The following ZNF778 variants were observed in gnomAD, a reference collection of about 807,000 sequenced individuals.
ZNF778 encodes zinc finger protein 778.
A neutral mutation model predicts 23.9 loss-of-function variants in ZNF778; 37 were observed. The ratio of observed to expected loss-of-function variants is 1.54; its 90% confidence interval spans 1.19 to 2.03. The LOEUF (loss-of-function observed/expected upper bound fraction) is 2.03, where lower values mean the gene tolerates loss of function less well. Among genes scored for constraint, ZNF778 ranks in the 30% most tolerant of loss-of-function variants. The pLI, the probability that ZNF778 is intolerant of heterozygous loss-of-function variation, is 0.00. For synonymous variants in ZNF778, 483 were observed against 343.9 expected (o/e 1.40, Z -4.48); for missense variants, 1,297 against 934.4 (o/e 1.39, Z -5.06).
intron 1 of ZNF778, among the ~76,000 whole-genome samples, chr16:89,220,574 C>T (rs1212821669): frequency 6.6e-6 from 1 of 152,176 alleles, no homozygotes; most frequent in Non-Finnish European, 1.5e-5. Context: ...GGAAGAATTG[C>T]TTGAACCTGG....
Position 89,230,684 on chromosome 16 carries a change from G to A in ZNF778, c.*2122G>A, listed in dbSNP as rs1451770452. The A allele has an allele frequency of 6.6e-6, 1 of 152,266 alleles. No homozygotes were observed. Among genetic ancestry groups the A allele is most frequent in the Non-Finnish European group, 1.5e-5 (1 of 68,056 alleles). The allele number at this position is 152,266 out of a possible 1,614,324, so 9.4% of individuals were successfully genotyped here. On this transcript the variant is annotated 3_prime_UTR_variant, in exon 7 of 7. Transcript: ENST00000433976. ...AAGACTTCATGTGAGTGACACGAATGTGTGTCCTCTGGCTGCAGCAATCCT... is the reference window on the plus strand; with the variant it reads ...AAGACTTCATGTGAGTGACACGAATATGTGTCCTCTGGCTGCAGCAATCCT...
rs796336856 is a variant in ZNF778, at chr16:89,228,679, C to T, written c.*117C>T. The stretch of plus-strand genomic sequence containing the variant: ...TGTGGCTAGGCAATCAGCATCTCAT[C>T]ACAACCCGGCAGGCAGGAACTCACC... On this transcript the variant is annotated 3_prime_UTR_variant, in exon 7 of 7. Coordinates refer to ENST00000433976, the MANE Select transcript of ZNF778 (RefSeq NM_001201407.2). The T allele has an allele frequency of 1.1e-5, 16 of 1,485,296 alleles. No homozygotes were observed. The South Asian group carries it at 1.7e-4, about 16-fold the overall frequency. The allele number at this position is 1,485,296 out of a possible 1,614,324, so 92.0% of individuals were successfully genotyped here. A position where few individuals can be genotyped will look rare whatever the true frequency, so the allele number is the denominator to read the frequency against.
rs1171233642 is a variant in ZNF778, at chr16:89,231,298, C to G, written c.*2736C>G. 1.3e-5 allele frequency: 2 copies of G among 152,246 alleles called. No individual in the cohort carries two copies. Among genetic ancestry groups the G allele is most frequent in the African/African-American group, 4.8e-5 (2 of 41,460 alleles). 9.4% of individuals were successfully genotyped at this position (152,246 alleles called of 1,614,324 possible). On this transcript the variant is annotated 3_prime_UTR_variant, in exon 7 of 7. Coordinates refer to ENST00000433976, the MANE Select transcript of ZNF778 (RefSeq NM_001201407.2). ...GCAGGTCTCTGCTAGAACTGACTCA[C>G]AGTTGCCTGAGTCCAGAACTTGTGG... is the stretch of plus-strand genomic sequence containing the variant.
rs774556545 is a variant in ZNF778, at chr16:89,227,642, A to G, written c.1354A>G (p.Lys452Glu). 2.5e-6 allele frequency: 4 copies of G among 1,614,166 alleles called. No individual in the cohort carries two copies. The highest frequency in any genetic ancestry group is 1.3e-5 in the African/African-American group (1 of 75,058). Residue 452 changes from lysine to glutamate, a missense_variant, in exon 7 of 7, where the codon AAG (lysine) becomes GAG (glutamate). Coordinates refer to ENST00000433976, the MANE Select transcript of ZNF778 (RefSeq NM_001201407.2). ...CACGGGCGAGAAGCCATACACGTGTAAGGACTGCGGGAAAGCCTTCTGTAC... is the reference window on the plus strand; with the variant it reads ...CACGGGCGAGAAGCCATACACGTGTGAGGACTGCGGGAAAGCCTTCTGTAC... ...THTGEKPYTC[K>E]DCGKAFCTSS...
chr16:89,221,288 T>C (rs2030915121), intron 2 of ZNF778, 136 bp downstream of exon 2: 1 of 1,015,354 alleles, frequency 9.8e-7, no homozygotes, highest in East Asian at 2.7e-5. Flanking sequence ...AGCCAGAGAA[T>C]GCTGACCTGT....
Position 89,223,205 on chromosome 16 carries a change from T to C in ZNF778, c.166T>C (p.Trp56Arg), listed in dbSNP as rs750529651. ...GGCTGTGGACTTCACCCAGGAGGAATGGACTTTACTGGACCCATCTCAGAG... is the reference window on the plus strand; with the variant it reads ...GGCTGTGGACTTCACCCAGGAGGAACGGACTTTACTGGACCCATCTCAGAG... Reference protein sequence around the residue: ...DVAVDFTQEEWTLLDPSQRDL... With the variant: ...DVAVDFTQEERTLLDPSQRDL... The change falls in exon 4 of 7, where the codon TGG (tryptophan) becomes CGG (arginine). Residue 56 changes from tryptophan to arginine, a missense_variant. Transcript: ENST00000433976. The C allele has an allele frequency of 1.6e-5, 26 of 1,613,894 alleles. No individual in the cohort carries two copies. The highest frequency in any genetic ancestry group is 1.6e-4 in the Middle Eastern group (1 of 6,080).
At chr16:89,221,583 CTGTG>C (rs35503385) in intron 2 of ZNF778, among the ~76,000 whole-genome samples, 83,768 of 141,138 alleles carry the variant, frequency 0.59, 27,417 homozygotes, top group Non-Finnish European at 0.76. Context: ...CACTGTATGG[CTGTG>C]TGTGTGTGTG....
At chr16:89,222,388 G>A (rs1345867172) in intron 3 of ZNF778, among the ~76,000 whole-genome samples, 1 of 151,962 alleles carries the variant, frequency 6.6e-6, no homozygotes, top group East Asian at 1.9e-4. Flanking sequence ...TTTTGAGACG[G>A]AGTCTCGCTT....
chr16:89,226,476 A>T (rs1428832219), intron 6 of ZNF778, among the ~76,000 whole-genome samples: 1 of 152,178 alleles, frequency 6.6e-6, no homozygotes, highest in African/African-American at 2.4e-5. Flanking sequence ...AAGTTCTGGG[A>T]TTACAGGCAT....
intron 6 of ZNF778, 129 bp from the exon 7 acceptor site, chr16:89,226,565 A>C (rs1016350857): frequency 3.1e-5 from 23 of 740,936 alleles, no homozygotes; most frequent in Non-Finnish European, 4.4e-5. Context: ...TCTACAGGGC[A>C]GGAGCTGCTT....
chr16:89,225,778 G>A (rs1308940054), intron 6 of ZNF778, 147 bp downstream of exon 6: 29 of 716,146 alleles, frequency 4.0e-5, no homozygotes, highest in African/African-American at 1.4e-4. Context: ...CTGAATGTGC[G>A]GAATTTGGGA....
intron 3 of ZNF778, among the ~76,000 whole-genome samples, chr16:89,222,917 G>T (rs530698743): frequency 0.02 from 2,965 of 150,000 alleles, 127 homozygotes; most frequent in East Asian, 0.16. Context: ...GACAGGGTGC[G>T]CGTGACTGGA....
At chr16:89,224,911 G>A (rs2031330216) in intron 5 of ZNF778, 109 bp downstream of exon 5, 1 of 777,022 alleles carries the variant, frequency 1.3e-6, no homozygotes, top group Non-Finnish European at 2.1e-6. Context: ...AAGCGGCTGT[G>A]GGAGGATCCT....
intron 1 of ZNF778, 113 bp from the exon 2 acceptor site, chr16:89,220,884 T>A (rs2030866828): frequency 3.9e-6 from 2 of 514,926 alleles, no homozygotes; most frequent in South Asian, 2.1e-5. Flanking sequence ...ATATTACTAG[T>A]CCTCAAGAGA....
In ZNF778 at chr16:89,227,560, C is replaced by G. The variant is rs377243270; in HGVS notation, c.1272C>G (p.Ser424Arg). 23 of 1,613,976 alleles carry G rather than the reference C, an allele frequency of 1.4e-5. No individual in the cohort carries two copies. In the Admixed American group the frequency reaches 2.2e-4, roughly 15 times the overall value. Residue 424 changes from serine (S) to arginine (R), a missense_variant, in exon 7 of 7, where the codon AGC becomes AGG. Ser to Arg is a moderately radical substitution (Grantham distance 110). Coordinates refer to ENST00000433976, the MANE Select transcript of ZNF778 (RefSeq NM_001201407.2). ...IHTGIKPYTC[S>R]YCGKAFTVRC... ...CTGGAATAAAACCCTATACATGCAG[C>G]TACTGTGGGAAGGCCTTCACTGTGC... is the stretch of plus-strand genomic sequence containing the variant.
chr16:89,227,919 G>C lies in ZNF778; in HGVS notation c.1631G>C (p.Arg544Thr), dbSNP rs748512360. 2 of 1,613,936 alleles carry C rather than the reference G, an allele frequency of 1.2e-6. No homozygotes were observed. The highest frequency in any genetic ancestry group is 1.7e-6 in the Non-Finnish European group (2 of 1,179,974). ...AAGGACTGTGGGAAAGCCTACAATA[G>C]GGTTTATCTACTGAATGAGCATGTG... ...ECKDCGKAYN[R>T]VYLLNEHVKT... is the part of the protein sequence containing the mutation. Residue 544 changes from arginine (R) to threonine (T), a missense_variant, in exon 7 of 7, where the codon AGG (arginine) becomes ACG (threonine). By Grantham distance (71) the Arg-to-Thr change is moderately conservative. Coordinates refer to ENST00000433976, the MANE Select transcript of ZNF778 (RefSeq NM_001201407.2).
At chr16:89,224,563 G>C in intron 4 of ZNF778, 156 bp from the exon 5 acceptor site, 3 of 546,404 alleles carry the variant, frequency 5.5e-6, no homozygotes, top group Admixed American at 5.3e-5. Flanking sequence ...ACGTTGCAGT[G>C]AGCCGAGATT....
In ZNF778 at chr16:89,234,914, C is replaced by G. The variant is rs1420177071; in HGVS notation, c.*6352C>G. 1 of 149,596 alleles carries G rather than the reference C, an allele frequency of 6.7e-6. No individual in the cohort carries two copies. The highest frequency in any genetic ancestry group is 1.5e-5 in the Non-Finnish European group (1 of 67,372). The allele number at this position is 149,596 out of a possible 1,614,324, so 9.3% of individuals were successfully genotyped here. A position where few individuals can be genotyped will look rare whatever the true frequency, so the allele number is the denominator to read the frequency against. ...CTGGCAACAGAGTGAGACTCTGTCT[C>G]AAAAAAAAAGGAAAAATATTTCTTA... On this transcript the variant is annotated 3_prime_UTR_variant, in exon 7 of 7. Transcript: ENST00000433976.
Position 89,221,083 on chromosome 16 carries a change from G to A in ZNF778, c.-45G>A. On this transcript the variant is annotated 5_prime_UTR_variant, in exon 2 of 7. Transcript: ENST00000433976. Reference sequence around the variant, plus strand: ...TCACAAGCTGCCCTGCAGTGGCCTTGGCTTCAGGAAAGGAGCATTCAGACG... The same window carrying A: ...TCACAAGCTGCCCTGCAGTGGCCTTAGCTTCAGGAAAGGAGCATTCAGACG... 1.3e-6 allele frequency: 2 copies of A among 1,558,226 alleles called. No homozygotes were observed. Among genetic ancestry groups the A allele is most frequent in the Non-Finnish European group, 8.7e-7 (1 of 1,150,700 alleles).
Sources: allele counts gnomAD v4.1 joint callset (sites outside exome capture counted in the v4.1 genomes callset), GRCh38; gene constraint gnomAD v4.1.1; transcripts MANE v1.5; gene names NCBI Gene and HGNC (gene_info 2026-07-23, HGNC 2026-07-21).